The following SUZ12 variants were observed in gnomAD, a reference collection of about 807,000 sequenced individuals.
SUZ12 encodes the protein SUZ12 polycomb repressive complex 2 subunit.
In SUZ12, 17 loss-of-function variants were observed where a neutral mutation model predicts 87.3. The ratio of observed to expected loss-of-function variants is 0.19; its 90% CI spans 0.13 to 0.29. SUZ12 has a LOEUF of 0.29. SUZ12 is among the 10% of genes least tolerant of loss of function. SUZ12 has a pLI of 1.00. For missense variants in SUZ12, 526 were observed against 912.2 expected, an observed-to-expected ratio of 0.58 and a Z score of 5.45; for synonymous variants, 253 against 312.4, an observed-to-expected ratio of 0.81 and a Z score of 2.01.
chr17:31,948,477 A>G (rs1906766673), intron 4 of SUZ12, among the ~76,000 whole-genome samples: 2 of 152,178 alleles, frequency 1.3e-5, no homozygotes, highest in Non-Finnish European at 1.5e-5. Context: ...AAAATTTGTC[A>G]CAATGCATTT....
At chr17:31,994,337 T>C (rs1909863531) in intron 12 of SUZ12, 1 of 466,732 alleles carries the variant, frequency 2.1e-6, no homozygotes. Context: ...TTATTCTTGC[T>C]CAACCAAGAA....
intron 5 of SUZ12, among the ~76,000 whole-genome samples, chr17:31,969,305 C>G (rs1400692969): frequency 6.6e-6 from 1 of 152,052 alleles, no homozygotes; most frequent in Non-Finnish European, 1.5e-5. Context: ...ACCACCATGC[C>G]CCGCTAATTT....
chr17:31,956,792 T>A (rs1424510289), intron 4 of SUZ12, among the ~76,000 whole-genome samples: 2 of 151,848 alleles, frequency 1.3e-5, no homozygotes, highest in African/African-American at 2.4e-5. Context: ...ATATATATAT[T>A]TTTTGGTTTT....
intron 4 of SUZ12, among the ~76,000 whole-genome samples, chr17:31,963,140 C>T (rs866036724): frequency 6.6e-6 from 1 of 151,064 alleles, no homozygotes; most frequent in Non-Finnish European, 1.5e-5. Context: ...CTGTTGTATA[C>T]GATTATTTAT....
chr17:31,975,532 T>A lies in SUZ12; in HGVS notation c.642T>A (p.Pro214=). The change falls in exon 7 of 16, where the codon CCT becomes CCA. Residue 214 remains proline (P), a synonymous_variant. Coordinates refer to ENST00000322652, the MANE Select transcript of SUZ12 (RefSeq NM_015355.4). ...RQVPTGKKQV[P]LNPDLNQTKP... is the part of the protein sequence containing the mutation. Reference sequence around the variant, plus strand: ...TTCCCACAGGTAAAAAGCAGGTGCCTTTGAATCCTGACCTCAATCAAACAA... The same window carrying A: ...TTCCCACAGGTAAAAAGCAGGTGCCATTGAATCCTGACCTCAATCAAACAA... 1.9e-6 allele frequency: 3 copies of A among 1,613,874 alleles called. No individual in the cohort carries two copies. The highest frequency in any genetic ancestry group is 2.5e-6 in the Non-Finnish European group (3 of 1,179,810).
rs192993443 is a variant in SUZ12, at chr17:31,945,771, C to T, written c.387-1846C>T. Reference sequence around the variant, plus strand: ...CAATTCTATTCACTTCTCCTGTATACAGCTTCATAAAGGTAGAAGAGATGA... The same window carrying T: ...CAATTCTATTCACTTCTCCTGTATATAGCTTCATAAAGGTAGAAGAGATGA... On this transcript the variant is annotated intron_variant, in intron 3 of 15. Coordinates refer to ENST00000322652, the MANE Select transcript of SUZ12 (RefSeq NM_015355.4). Among the ~76,000 whole-genome samples the T allele has an allele frequency of 3.3e-5, 5 of 152,254 alleles. No individual in the cohort carries two copies. The East Asian group carries it at 9.6e-4, about 29-fold the overall frequency.
In SUZ12 at chr17:31,937,140, C is replaced by A. The variant is rs2142112325; in HGVS notation, c.-107C>A. On this transcript the variant is annotated 5_prime_UTR_variant, in exon 1 of 16. Transcript: ENST00000322652. ...CTCTCCTCCCCTCTCTCCTCCTTCC[C>A]CCCTCGGTCCGCCGGAGCCTGCTGG... The A allele has an allele frequency of 1.0e-6, 1 of 985,528 alleles. No homozygotes were observed. Among genetic ancestry groups the A allele is most frequent in the South Asian group, 2.5e-5 (1 of 40,576 alleles). 61.0% of individuals were successfully genotyped at this position (985,528 alleles called of 1,614,324 possible).
chr17:31,957,406 A>G (rs1907416187), intron 4 of SUZ12, among the ~76,000 whole-genome samples: 1 of 148,584 alleles, frequency 6.7e-6, no homozygotes, highest in Admixed American at 6.7e-5. Context: ...TACCCGGATA[A>G]TTTTTGTATT....
chr17:31,972,031 C>T (rs1326148852), intron 5 of SUZ12, among the ~76,000 whole-genome samples: 1 of 151,918 alleles, frequency 6.6e-6, no homozygotes, highest in African/African-American at 2.4e-5. Flanking sequence ...CACCTGTAAT[C>T]CCAGCATTTT....
At chr17:31,988,802 G>A (rs901229866) in intron 10 of SUZ12, among the ~76,000 whole-genome samples, 4 of 151,892 alleles carry the variant, frequency 2.6e-5, no homozygotes, top group African/African-American at 9.6e-5. Flanking sequence ...CGAGCGCAGT[G>A]GCTCAACACC....
chr17:31,983,212 T>C (rs1909210953), intron 9 of SUZ12, 108 bp downstream of exon 9: 1 of 1,106,222 alleles, frequency 9.0e-7, no homozygotes, highest in African/African-American at 1.6e-5. Context: ...GTCCTTTGTT[T>C]TTTATACTTT....
Position 31,998,999 on chromosome 17 carries a change from T to A in SUZ12, c.2216T>A (p.Leu739His), listed in dbSNP as rs1404377052. The change falls in exon 16 of 16, where the codon CTC (leucine) becomes CAC (histidine). Residue 739 changes from leucine to histidine, a missense_variant. Physicochemically the swap from Leu to His is moderately conservative, Grantham distance 99. Around this residue, in one of 9 missense-constraint regions of SUZ12, gnomAD observed 56 missense variants for 56.6 expected, o/e 0.99. Coordinates refer to ENST00000322652, the MANE Select transcript of SUZ12 (RefSeq NM_015355.4). Reference sequence around the variant, plus strand: ...TCAAAACAGAGCAAAAAACAAAAACTCTGAAAAGCTCTAACCCCATGTTAT... The same window carrying A: ...TCAAAACAGAGCAAAAAACAAAAACACTGAAAAGCTCTAACCCCATGTTAT... ...GVSKQSKKQKL is the reference protein window; with the variant it reads ...GVSKQSKKQKH The A allele has an allele frequency of 6.5e-7, 1 of 1,538,434 alleles. No homozygotes were observed. The highest frequency in any genetic ancestry group is 2.3e-5 in the East Asian group (1 of 44,098).
At chr17:31,960,312 G>A (rs1907625114) in intron 4 of SUZ12, among the ~76,000 whole-genome samples, 1 of 152,060 alleles carries the variant, frequency 6.6e-6, no homozygotes, top group Non-Finnish European at 1.5e-5. Flanking sequence ...CCAGGTTTAA[G>A]CGATTCTCCT....
chr17:31,956,779 T>TAC (rs1491031264), intron 4 of SUZ12, among the ~76,000 whole-genome samples: 7 of 151,392 alleles, frequency 4.6e-5, no homozygotes, highest in Non-Finnish European at 7.4e-5. Context: ...TGTATATATG[T>TAC]ATATATATAT....
rs138840706 is a variant in SUZ12, at chr17:31,944,465, G to A, written c.387-3152G>A. 3.5e-3 allele frequency among the ~76,000 whole-genome samples: 530 copies of A among 152,120 alleles called. 3 individuals carry two copies. Among genetic ancestry groups the A allele is most frequent in the African/African-American group, 0.012 (497 of 41,484 alleles). On this transcript the variant is annotated intron_variant, in intron 3 of 15. Coordinates refer to ENST00000322652, the MANE Select transcript of SUZ12 (RefSeq NM_015355.4). The stretch of plus-strand genomic sequence containing the variant: ...TTTAAAATCTAAGTTCCATTTTCCC[G>A]TCATGTTTATTAATTTGTCCCATTG...
chr17:31,966,923 C>G (rs1419370802), intron 5 of SUZ12: 1 of 152,156 alleles, frequency 6.6e-6, no homozygotes, highest in Non-Finnish European at 1.5e-5. Context: ...TGGCTCACGC[C>G]TGTAATCCCA....
chr17:31,952,151 C>A (rs1397345469), intron 4 of SUZ12, among the ~76,000 whole-genome samples: 1 of 152,132 alleles, frequency 6.6e-6, no homozygotes, highest in African/African-American at 2.4e-5. Context: ...GCCTCTAACT[C>A]CTGGCCTCAA....
At chr17:31,983,685 C>T (rs1909250540) in intron 9 of SUZ12, among the ~76,000 whole-genome samples, 1 of 152,112 alleles carries the variant, frequency 6.6e-6, no homozygotes, top group Non-Finnish European at 1.5e-5. Context: ...GTTTCTTCTC[C>T]TGTAACATGA....
chr17:31,938,327 T>A (rs1265933377), intron 1 of SUZ12, among the ~76,000 whole-genome samples: 1 of 152,178 alleles, frequency 6.6e-6, no homozygotes, highest in Non-Finnish European at 1.5e-5. Context: ...CTTTTTTGCT[T>A]TTGTGTGTTA....
Sources: gnomAD v4.1 joint callset for allele counts (sites outside exome capture counted in the v4.1 genomes callset) on GRCh38, gnomAD v4.1.1 for gene constraint, gnomAD v4.1.1 regional missense constraint, MANE v1.5 for transcripts, NCBI Gene and HGNC (gene_info 2026-07-23, HGNC 2026-07-21) for gene names.